Variants in DIAPH3 observed in about 807,000 individuals in gnomAD.
DIAPH3 encodes the protein diaphanous related formin 3.
Under a neutral mutation model 144.3 loss-of-function variants are expected in DIAPH3, and 117 were observed. The ratio of observed to expected loss-of-function variants is 0.81; its 90% CI spans 0.70 to 0.95. The LOEUF is 0.95. DIAPH3 is among the 40% of genes least tolerant of loss of function. The pLI is 0.00. For synonymous variants in DIAPH3, 519 were observed against 488.9 expected (o/e 1.06, Z -0.81); for missense variants, 1,421 against 1,412.7 (o/e 1.01, Z -0.09).
intron 15 of DIAPH3, 76 bp from the exon 16 acceptor site, chr13:59,971,236 T>G (rs1266578966): frequency 2.1e-6 from 3 of 1,402,482 alleles, no homozygotes; most frequent in Non-Finnish European, 2.9e-6. Context: ...TACTCAAAAA[T>G]AAGGCATTCA....
Position 60,125,695 on chromosome 13 carries a change from T to C in DIAPH3, c.213+7262A>G, listed in dbSNP as rs1171194509. Among the ~76,000 whole-genome samples the C allele has an allele frequency of 3.3e-5, 5 of 152,290 alleles. No individual in the cohort carries two copies. In the East Asian group the frequency reaches 9.7e-4, roughly 29 times the overall value. ...GAAGGCCTTATCTGCCATGTTAGAC[T>C]TGACCTATATAAAACAGTTGCAATT... On this transcript the variant is annotated intron_variant, in intron 2 of 27. Coordinates refer to ENST00000400324, the MANE Select transcript of DIAPH3 (RefSeq NM_001042517.2).
At chr13:60,119,134 T>C (rs1481094933) in intron 2 of DIAPH3, among the ~76,000 whole-genome samples, 1 of 152,178 alleles carries the variant, frequency 6.6e-6, no homozygotes, top group Non-Finnish European at 1.5e-5. Context: ...TGAAGTGCAA[T>C]TTTCAAGACT....
At chr13:60,127,955 A>G (rs2059031867) in intron 2 of DIAPH3, among the ~76,000 whole-genome samples, 1 of 152,106 alleles carries the variant, frequency 6.6e-6, no homozygotes, top group Non-Finnish European at 1.5e-5. Flanking sequence ...TTTGTTATAT[A>G]GATAAACTCA....
chr13:59,693,467 A>G (rs1593593116), intron 27 of DIAPH3, among the ~76,000 whole-genome samples: 1 of 152,174 alleles, frequency 6.6e-6, no homozygotes, highest in Non-Finnish European at 1.5e-5. Context: ...ATTCCAAGGA[A>G]TTAGGAAAAT....
intron 20 of DIAPH3, among the ~76,000 whole-genome samples, chr13:59,891,225 A>T (rs2045773133): frequency 6.6e-6 from 1 of 152,126 alleles, no homozygotes; most frequent in Non-Finnish European, 1.5e-5. Flanking sequence ...CAAAGTGATG[A>T]ATCACAAGAG....
intron 9 of DIAPH3, among the ~76,000 whole-genome samples, chr13:59,994,132 G>A (rs2052031460): frequency 6.6e-6 from 1 of 151,270 alleles, no homozygotes; most frequent in Non-Finnish European, 1.5e-5. Flanking sequence ...CTCCATAGAA[G>A]AAAAAAAATA....
intron 4 of DIAPH3, among the ~76,000 whole-genome samples, chr13:60,091,924 C>A (rs1474815213): frequency 6.6e-6 from 1 of 151,800 alleles, no homozygotes; most frequent in Non-Finnish European, 1.5e-5. Context: ...TTCACTGCAG[C>A]CTCGAACTCC....
chr13:59,924,885 T>A lies in DIAPH3; in HGVS notation c.2075-15A>T. 1 of 1,595,172 alleles carries A rather than the reference T, an allele frequency of 6.3e-7. No individual in the cohort carries two copies. The highest frequency in any genetic ancestry group is 1.3e-5 in the African/African-American group (1 of 74,586). On this transcript the variant is annotated splice_polypyrimidine_tract_variant and intron_variant, in intron 17 of 27. Transcript: ENST00000400324. The stretch of plus-strand genomic sequence containing the variant: ...TTCTCTTCTCTCTGTAAAACCAAGA[T>A]AGATCCATGTTAGGGGCAGCAATTC...
intron 5 of DIAPH3, among the ~76,000 whole-genome samples, chr13:60,017,439 A>T (rs1049944196): frequency 6.6e-6 from 1 of 152,066 alleles, no homozygotes; most frequent in Non-Finnish European, 1.5e-5. Context: ...TGAAAAACAG[A>T]ACACTATAAA....
intron 1 of DIAPH3, among the ~76,000 whole-genome samples, chr13:60,140,843 C>T (rs992803472): frequency 7.0e-6 from 1 of 143,666 alleles, no homozygotes; most frequent in Non-Finnish European, 1.5e-5. Flanking sequence ...TAAATATGTG[C>T]ACAGACTTTT....
chr13:60,076,937 T>C (rs937546866), intron 4 of DIAPH3, among the ~76,000 whole-genome samples: 2 of 152,126 alleles, frequency 1.3e-5, no homozygotes. Context: ...GCACTGTTAA[T>C]GTGAGAAGTA....
chr13:59,695,856 T>C (rs904828332), intron 27 of DIAPH3, among the ~76,000 whole-genome samples: 12 of 152,282 alleles, frequency 7.9e-5, no homozygotes, highest in Non-Finnish European at 1.5e-4. Context: ...TAAAAAGATA[T>C]GCACTGGTAC....
intron 27 of DIAPH3, among the ~76,000 whole-genome samples, chr13:59,671,684 C>T (rs1463603793): frequency 2.6e-5 from 4 of 152,150 alleles, no homozygotes; most frequent in Non-Finnish European, 4.4e-5. Context: ...GAAATAAACA[C>T]GATGAGAATA....
rs759861398 is a variant in DIAPH3 at position 59,911,743 on chromosome 13, C to A, written c.2359G>T (p.Val787Leu). The A allele has an allele frequency of 3.2e-5, 52 of 1,613,278 alleles. 1 individual carries two copies. In the South Asian group the frequency reaches 5.4e-4, roughly 17 times the overall value. Reference protein sequence around the residue: ...YSNLCEPEQFVVVMSNVKRLR... With the variant: ...YSNLCEPEQFLVVMSNVKRLR... Reference sequence around the variant, plus strand: ...TGAGACTCGGTACTTACCACAACCACAAACTGCTCAGGTTCACATAAGTTG... The same window carrying A: ...TGAGACTCGGTACTTACCACAACCAAAAACTGCTCAGGTTCACATAAGTTG... The change falls in exon 20 of 28, where the codon GTG becomes TTG. Residue 787 changes from valine (V) to leucine (L), a missense_variant. Transcript: ENST00000400324.
intron 27 of DIAPH3, among the ~76,000 whole-genome samples, chr13:59,756,149 C>G (rs911903221): frequency 1.3e-5 from 2 of 152,116 alleles, no homozygotes; most frequent in Non-Finnish European, 2.9e-5. Flanking sequence ...TGTATTTTGA[C>G]AAGACCACAG....
At chr13:60,015,804 A>T in intron 7 of DIAPH3, 109 bp downstream of exon 7, 1 of 942,904 alleles carries the variant, frequency 1.1e-6, no homozygotes, top group Non-Finnish European at 1.7e-6. Context: ...ATATTTTTCC[A>T]TCATGTACTA....
intron 4 of DIAPH3, among the ~76,000 whole-genome samples, chr13:60,082,236 G>GA (rs2057583188): frequency 6.6e-6 from 1 of 150,854 alleles, no homozygotes; most frequent in South Asian, 2.1e-4. Context: ...ATGCAGACAT[G>GA]AAAAAAATAA....
At chr13:59,891,117 C>A (rs1001479833) in intron 20 of DIAPH3, among the ~76,000 whole-genome samples, 1 of 152,108 alleles carries the variant, frequency 6.6e-6, no homozygotes, top group African/African-American at 2.4e-5. Flanking sequence ...TAAAGCAAAT[C>A]TCAAACCTCA....
intron 25 of DIAPH3, among the ~76,000 whole-genome samples, chr13:59,802,444 A>G (rs896945674): frequency 6.6e-6 from 1 of 151,210 alleles, no homozygotes; most frequent in Non-Finnish European, 1.5e-5. Flanking sequence ...CTTATCAATT[A>G]TTATTTATTT....
Sources: gnomAD v4.1 joint callset for allele counts (sites outside exome capture counted in the v4.1 genomes callset) on GRCh38, gnomAD v4.1.1 for gene constraint, MANE v1.5 for transcripts, NCBI Gene and HGNC (gene_info 2026-07-23, HGNC 2026-07-21) for gene names.